TBC1D30: variants seen among roughly 807,000 people sequenced by gnomAD.
TBC1D30 encodes TBC1 domain family member 30, also known as TBC1 domain family, member 30.
Under a neutral mutation model 63.2 loss-of-function variants are expected in TBC1D30, and 31 were observed. The ratio of observed to expected loss-of-function variants is 0.49; its 90% CI spans 0.37 to 0.66. The LOEUF (loss-of-function observed/expected upper bound fraction) is 0.66. TBC1D30 is among the 30% of genes least tolerant of loss of function. The pLI is 0.00. For missense variants in TBC1D30, 810 were observed against 953.6 expected, an observed-to-expected ratio of 0.85 and a Z score of 1.98; for synonymous variants, 307 against 361.5, an observed-to-expected ratio of 0.85 and a Z score of 1.71.
intron 1 of TBC1D30, among the ~76,000 whole-genome samples, chr12:64,773,469 C>T (rs765787529): frequency 6.6e-6 from 1 of 152,242 alleles, no homozygotes; most frequent in Admixed American, 6.5e-5. Context: ...CACAGCATGG[C>T]TGCTCTACAA....
chr12:64,828,614 C>G (rs752413229), intron 3 of TBC1D30, 105 bp downstream of exon 3: 61 of 727,028 alleles, frequency 8.4e-5, no homozygotes, highest in Non-Finnish European at 1.3e-4. Context: ...ACTTGAAAAC[C>G]TGTCTTGATT....
intron 2 of TBC1D30, among the ~76,000 whole-genome samples, chr12:64,807,388 C>T (rs1872931721): frequency 6.6e-6 from 1 of 152,092 alleles, no homozygotes; most frequent in South Asian, 2.1e-4. Context: ...TGGACTAATA[C>T]AGAGAGGAAT....
At chr12:64,850,484 G>T (rs1301557747) in intron 8 of TBC1D30, among the ~76,000 whole-genome samples, 1 of 152,138 alleles carries the variant, frequency 6.6e-6, no homozygotes, top group Non-Finnish European at 1.5e-5. Flanking sequence ...TTTTAGCATG[G>T]AGCGGTGTTG....
intron 1 of TBC1D30, among the ~76,000 whole-genome samples, chr12:64,760,736 T>TAA (rs542361292): frequency 5.0e-5 from 7 of 139,204 alleles, no homozygotes; most frequent in African/African-American, 1.6e-4. Context: ...CTTAAAGTAT[T>TAA]AAAAAAAAAA....
At position 64,876,941 on chromosome 12, in the gene TBC1D30, T is replaced by C. The variant is rs1592673058; in HGVS notation, c.*1153T>C. On this transcript the variant is annotated 3_prime_UTR_variant, in exon 12 of 12. Transcript: ENST00000539867. ...TAGCACTTCAGTTACTCAAGGTCAG[T>C]ACTCTCGGTATTCCAAGTGACTTAG... The C allele has an allele frequency of 4.4e-6, 2 of 455,972 alleles. No individual in the cohort carries two copies. The highest frequency in any genetic ancestry group is 8.8e-6 in the Non-Finnish European group (2 of 226,744). 28.2% of individuals were successfully genotyped at this position (455,972 alleles called of 1,614,324 possible).
At chr12:64,806,021 A>G (rs1872849118) in intron 2 of TBC1D30, among the ~76,000 whole-genome samples, 1 of 152,156 alleles carries the variant, frequency 6.6e-6, no homozygotes, top group South Asian at 2.1e-4. Context: ...ATTAAGAGTG[A>G]ATGTTGAACA....
intron 2 of TBC1D30, among the ~76,000 whole-genome samples, chr12:64,802,206 C>A (rs1357216091): frequency 1.3e-5 from 2 of 152,150 alleles, no homozygotes. Flanking sequence ...AAGGATATGC[C>A]AGGACATGGT....
chr12:64,764,752 G>A (rs1388449733), intron 1 of TBC1D30, among the ~76,000 whole-genome samples: 1 of 152,222 alleles, frequency 6.6e-6, no homozygotes, highest in Non-Finnish European at 1.5e-5. Context: ...CCAAAGAGAA[G>A]GGTGCTGTAT....
rs60440376 is a variant in TBC1D30, at chr12:64,840,004, C to CAAAAAAAAAAAAAAAAAAAAAA, written c.932+1156_932+1177dup. 6.3e-4 allele frequency among the ~76,000 whole-genome samples: 62 copies of CAAAAAAAAAAAAAAAAAAAAAA among 98,304 alleles called. 2 individuals are homozygous for CAAAAAAAAAAAAAAAAAAAAAA. The highest frequency in any genetic ancestry group is 2.8e-3 in the African/African-American group (54 of 19,318). The allele number at this position is 98,304 out of a possible 152,430, so 64.5% of individuals were successfully genotyped here. A position where few individuals can be genotyped will look rare whatever the true frequency, so the allele number is the denominator to read the frequency against. On this transcript the variant is annotated intron_variant, in intron 7 of 11. Coordinates refer to ENST00000539867, the MANE Select transcript of TBC1D30 (RefSeq NM_015279.2). Reference sequence around the variant, plus strand: ...TGGACGACAGAGCAAGACTCTGTCTCAAAAAAAAAAAAAAAAAAAAAAAAT... The same window carrying CAAAAAAAAAAAAAAAAAAAAAA: ...TGGACGACAGAGCAAGACTCTGTCTCAAAAAAAAAAAAAAAAAAAAAAAAAAAAAAAAAAAAAAAAAAAAAAT...
chr12:64,764,941 A>G (rs1397112104), intron 1 of TBC1D30, among the ~76,000 whole-genome samples: 3 of 152,208 alleles, frequency 2.0e-5, no homozygotes, highest in Non-Finnish European at 4.4e-5. Context: ...CCATAGGGGA[A>G]AGTCCTCCTT....
rs778141519 is a variant in TBC1D30 at position 64,830,988 on chromosome 12, G to C, written c.408+486G>C. Among the ~76,000 whole-genome samples the C allele has an allele frequency of 3.1e-3, 474 of 152,094 alleles. 4 individuals carry two copies. Among genetic ancestry groups the C allele is most frequent in the Non-Finnish European group, 3.0e-3 (204 of 67,884 alleles). On this transcript the variant is annotated intron_variant, in intron 4 of 11. Transcript: ENST00000539867. ...CCAGCTGTGTAGGCAGTTGTGGCTC[G>C]CTTACCTGGATTATTACAGTTGAAC... is the stretch of plus-strand genomic sequence containing the variant.
At chr12:64,851,128 AT>A (rs1876835872) in intron 8 of TBC1D30, among the ~76,000 whole-genome samples, 1 of 152,124 alleles carries the variant, frequency 6.6e-6, no homozygotes, top group African/African-American at 2.4e-5. Context: ...TTCCTGTATC[AT>A]TTTTTATTGT....
intron 2 of TBC1D30, among the ~76,000 whole-genome samples, chr12:64,809,850 T>C (rs1188502076): frequency 6.6e-6 from 1 of 152,208 alleles, no homozygotes; most frequent in Non-Finnish European, 1.5e-5. Context: ...CCCCAGATGG[T>C]TTATTATTAA....
chr12:64,776,342 AATAAG>A (rs1871080268), upstream of TBC1D30, among the ~76,000 whole-genome samples: 1 of 152,212 alleles, frequency 6.6e-6, no homozygotes, highest in South Asian at 2.1e-4. Flanking sequence ...TGAAAAAATT[AATAAG>A]ATAGATAGAC....
upstream of TBC1D30, chr12:64,824,618 C>A: frequency 2.6e-6 from 1 of 384,716 alleles, no homozygotes; most frequent in South Asian, 9.5e-5. Context: ...TCGCTCCCGC[C>A]CTCCCCGCCT....
rs1471567422 is a variant in TBC1D30, at chr12:64,795,317, C to G, written c.643+9272C>G. Among the ~76,000 whole-genome samples the G allele has an allele frequency of 2.0e-5, 3 of 152,156 alleles. No individual in the cohort carries two copies. The East Asian group carries it at 5.8e-4, about 29-fold the overall frequency. On this transcript the variant is annotated intron_variant, in intron 2 of 12. Coordinates refer to the TBC1D30 transcript ENST00000542120. ...GAGTGGGGTGAAGAGAGCTGGGAGT[C>G]TCTGCATTCAGTATGCATATGGCCA...
intron 8 of TBC1D30, among the ~76,000 whole-genome samples, chr12:64,858,366 A>G (rs1877487441): frequency 1.3e-5 from 2 of 152,200 alleles, no homozygotes; most frequent in African/African-American, 4.8e-5. Flanking sequence ...TACCGTAGCC[A>G]CTACAGCTGG....
At chr12:64,777,461 A>G (rs1871115479), upstream of TBC1D30, among the ~76,000 whole-genome samples, 1 of 152,196 alleles carries the variant, frequency 6.6e-6, no homozygotes, top group South Asian at 2.1e-4. Flanking sequence ...CTAAACACCA[A>G]CAACAGTCAT....
intron 3 of TBC1D30, among the ~76,000 whole-genome samples, chr12:64,828,771 A>C (rs990493899): frequency 1.3e-5 from 2 of 152,198 alleles, no homozygotes; most frequent in Admixed American, 1.3e-4. Flanking sequence ...AGTATGTCAG[A>C]TGGTAATAAG....
Sources: gnomAD v4.1 joint callset for allele counts (sites outside exome capture counted in the v4.1 genomes callset) on GRCh38, gnomAD v4.1.1 for gene constraint, MANE v1.5 for transcripts, NCBI Gene and HGNC (gene_info 2026-07-23, HGNC 2026-07-21) for gene names.